The following SPECC1 variants were observed in gnomAD, a reference collection of about 807,000 sequenced individuals.
SPECC1 encodes the protein sperm antigen with calponin homology and coiled-coil domains 1, also known as cytospin-B.
Under a neutral mutation model 104.1 loss-of-function variants are expected in SPECC1, and 62 were observed. That is an observed-to-expected ratio of 0.60 (90% confidence interval 0.49 to 0.74). The LOEUF is 0.74. Among genes scored for constraint, SPECC1 ranks in the 30% least tolerant of loss-of-function variants. The probability of loss-of-function intolerance (pLI) is 0.00; values close to 1 mark genes in which losing one functional copy is unlikely to be tolerated. For synonymous variants in SPECC1, 513 were observed against 501.6 expected (o/e 1.02, Z -0.30); for missense variants, 1,306 against 1,310.5 (o/e 1.00, Z 0.05).
intron 7 of SPECC1, among the ~76,000 whole-genome samples, chr17:20,235,749 T>C (rs1397919096): frequency 2.0e-5 from 3 of 152,258 alleles, no homozygotes; most frequent in Non-Finnish European, 4.4e-5. Context: ...GGAAAACGTC[T>C]TTAAAAGAGA....
intron 1 of SPECC1, among the ~76,000 whole-genome samples, chr17:20,053,282 TC>T (rs1461011135): frequency 6.6e-6 from 1 of 152,228 alleles, no homozygotes; most frequent in Non-Finnish European, 1.5e-5. Flanking sequence ...TCTGTGATCT[TC>T]CTCTATTCTT....
intron 4 of SPECC1, among the ~76,000 whole-genome samples, chr17:20,219,778 C>T (rs369824221): frequency 5.9e-5 from 9 of 152,158 alleles, no homozygotes; most frequent in African/African-American, 2.2e-4. Flanking sequence ...AGAGTTTCCC[C>T]AATGTTGTTG....
At chr17:20,097,419 A>T (rs1189504246) in intron 2 of SPECC1, among the ~76,000 whole-genome samples, 1 of 152,216 alleles carries the variant, frequency 6.6e-6, no homozygotes, top group African/African-American at 2.4e-5. Flanking sequence ...TACTTTAGAA[A>T]AGTCAATATG....
At chr17:20,263,131 A>T (rs901994531) in intron 12 of SPECC1, among the ~76,000 whole-genome samples, 5 of 151,624 alleles carry the variant, frequency 3.3e-5, no homozygotes, top group African/African-American at 1.2e-4. Flanking sequence ...GGACCATGCC[A>T]TGAAGGAAGG....
At chr17:20,193,054 A>G (rs1224829124) in intron 3 of SPECC1, among the ~76,000 whole-genome samples, 1 of 152,134 alleles carries the variant, frequency 6.6e-6, no homozygotes, top group Non-Finnish European at 1.5e-5. Context: ...TTTTATGGTT[A>G]TTTTTTAATG....
intron 3 of SPECC1, among the ~76,000 whole-genome samples, chr17:20,175,059 C>A (rs998462205): frequency 6.6e-6 from 1 of 152,192 alleles, no homozygotes; most frequent in African/African-American, 2.4e-5. Context: ...CTGGGGCCGC[C>A]TCTGTGCTCC....
intron 1 of SPECC1, among the ~76,000 whole-genome samples, chr17:20,045,429 A>G (rs1002279254): frequency 8.7e-5 from 13 of 149,704 alleles, no homozygotes; most frequent in African/African-American, 3.3e-4. Flanking sequence ...TTGGATTGAT[A>G]TCTAAGAGTG....
intron 1 of SPECC1, among the ~76,000 whole-genome samples, chr17:20,026,425 C>T (rs1166834413): frequency 2.0e-5 from 3 of 152,146 alleles, no homozygotes; most frequent in African/African-American, 7.2e-5. Context: ...AAAACTTATT[C>T]TTCTTACATA....
intron 3 of SPECC1, chr17:20,112,856 G>T: frequency 1.9e-6 from 3 of 1,591,922 alleles, no homozygotes; most frequent in Non-Finnish European, 2.6e-6. Context: ...AGCAACTCTG[G>T]CAGGAACTGA....
At chr17:20,251,216 C>T (rs1470123198) in intron 9 of SPECC1, among the ~76,000 whole-genome samples, 1 of 36,654 alleles carries the variant, frequency 2.7e-5, no homozygotes, top group Non-Finnish European at 4.5e-5. Flanking sequence ...CAGAGTAAGA[C>T]TCTATCTCAA....
At chr17:20,257,093 C>G (rs2039860390) in intron 10 of SPECC1, among the ~76,000 whole-genome samples, 1 of 152,308 alleles carries the variant, frequency 6.6e-6, no homozygotes, top group East Asian at 1.9e-4. Context: ...TCCTGCCACT[C>G]TCTCTCAGAT....
At chr17:20,080,395 G>A (rs917594603) in intron 1 of SPECC1, among the ~76,000 whole-genome samples, 3 of 152,104 alleles carry the variant, frequency 2.0e-5, no homozygotes, top group Admixed American at 6.5e-5. Flanking sequence ...AATTACAAGC[G>A]TGAGATAAGC....
chr17:20,213,137 G>T (rs752070133), intron 4 of SPECC1, among the ~76,000 whole-genome samples: 1 of 151,380 alleles, frequency 6.6e-6, no homozygotes, highest in South Asian at 2.1e-4. Context: ...TTGCTCTGTT[G>T]CCCAGGCTGG....
chr17:20,093,892 C>A (rs4924805), intron 1 of SPECC1, among the ~76,000 whole-genome samples: 1 of 151,014 alleles, frequency 6.6e-6, no homozygotes, highest in African/African-American at 2.4e-5. Context: ...CACCACGTCC[C>A]CCTAATTTTT....
intron 4 of SPECC1, among the ~76,000 whole-genome samples, chr17:20,218,832 A>G (rs2037677580): frequency 6.6e-6 from 1 of 152,116 alleles, no homozygotes; most frequent in Non-Finnish European, 1.5e-5. Flanking sequence ...TCTGGTAATC[A>G]TTCTACTCTC....
intron 3 of SPECC1, among the ~76,000 whole-genome samples, chr17:20,126,125 T>A (rs746914138): frequency 6.6e-6 from 1 of 152,080 alleles, no homozygotes; most frequent in Non-Finnish European, 1.5e-5. Context: ...CCTGGCTGTC[T>A]CTCCAGTTCT....
At chr17:20,056,582 T>A (rs550211247) in intron 1 of SPECC1, 1 of 208,426 alleles carries the variant, frequency 4.8e-6, no homozygotes, top group South Asian at 9.5e-5. Context: ...TACCTCCCAA[T>A]AAATAGAGTA....
At chr17:20,232,568 A>G (rs896596684) in intron 7 of SPECC1, 163 bp downstream of exon 7, 25 of 776,884 alleles carry the variant, frequency 3.2e-5, no homozygotes, top group Non-Finnish European at 4.0e-5. Flanking sequence ...CATTCTGTAC[A>G]GTACCCAGTC....
At chr17:20,310,555 TC>T (rs2041902436) in intron 14 of SPECC1, among the ~76,000 whole-genome samples, 1 of 152,138 alleles carries the variant, frequency 6.6e-6, no homozygotes, top group African/African-American at 2.4e-5. Context: ...TGCAAGCAAC[TC>T]CCCAGAAAAG....
Sources: gnomAD v4.1 joint callset for allele counts (sites outside exome capture counted in the v4.1 genomes callset) on GRCh38, gnomAD v4.1.1 for gene constraint, MANE v1.5 for transcripts, NCBI Gene and HGNC (gene_info 2026-07-23, HGNC 2026-07-21) for gene names.